MRPL43: variants seen among roughly 807,000 people sequenced by gnomAD.
MRPL43 encodes the protein mitochondrial ribosomal protein L43, also known as large ribosomal subunit protein mL43.
Under a neutral mutation model 12.7 loss-of-function variants are expected in MRPL43, and 9 were observed. The observed-to-expected ratio is 0.71, with a 90% CI of 0.43 to 1.24. The LOEUF (loss-of-function observed/expected upper bound fraction) is 1.24, where lower values mean the gene tolerates loss of function less well. Among genes scored for constraint, MRPL43 ranks in the 50% most tolerant of loss-of-function variants. The pLI is 0.00. For missense variants in MRPL43, 211 were observed against 229.2 expected, an observed-to-expected ratio of 0.92 and a Z score of 0.51; for synonymous variants, 116 against 96.4, an observed-to-expected ratio of 1.20 and a Z score of -1.19.
At chr10:100,979,816 A>G (rs2133882397), downstream of MRPL43, 1 of 1,609,632 alleles carries the variant, frequency 6.2e-7, no homozygotes, top group Non-Finnish European at 8.5e-7. Flanking sequence ...ACTCCATGTA[A>G]CTCACCCCCC....
In MRPL43 at chr10:100,987,470, TA is replaced by T. The variant is rs1564806183; in HGVS notation, c.-28del. The stretch of plus-strand genomic sequence containing the variant: ...GCTACAGCTTGGAGGCCGCGGAGCC[TA>T]AGCAGCGAGGAGAGGGGGGCGGGAC... On this transcript the variant is annotated 5_prime_UTR_variant, in exon 1 of 3. Coordinates refer to ENST00000318364, the MANE Select transcript of MRPL43 (RefSeq NM_032112.3). 3 of 1,608,608 alleles carry T rather than the reference TA, an allele frequency of 1.9e-6. No individual in the cohort carries two copies. Among genetic ancestry groups the T allele is most frequent in the African/African-American group, 1.3e-5 (1 of 74,956 alleles).
chr10:100,987,114 C>A lies in MRPL43; in HGVS notation c.214G>T (p.Val72Leu). 1 of 1,613,790 alleles carries A rather than the reference C, an allele frequency of 6.2e-7. No individual in the cohort carries two copies. The highest frequency in any genetic ancestry group is 8.5e-7 in the Non-Finnish European group (1 of 1,180,036). The change falls in exon 2 of 3, where the codon GTG (valine) becomes TTG (leucine). Residue 72 changes from valine to leucine, a missense_variant. Transcript: ENST00000318364. ...CGGTATTCGGCCACTACTCTGGGCA[C>A]GCAGCACGGACGCGAGTTTACATAT... is the stretch of plus-strand genomic sequence containing the variant. ...VIYVNSRPCCVPRVVAEYLNG... is the reference protein window; with the variant it reads ...VIYVNSRPCCLPRVVAEYLNG...
downstream of MRPL43, chr10:100,986,223 A>G (rs1851456674): frequency 1.9e-6 from 2 of 1,074,378 alleles, no homozygotes; most frequent in Middle Eastern, 3.7e-4. Context: ...AAATAATGAA[A>G]ACTGAGGCTT....
chr10:100,979,790 T>C (rs1242655590), downstream of MRPL43: 30 of 1,595,442 alleles, frequency 1.9e-5, no homozygotes, highest in Admixed American at 8.4e-5. Context: ...TGAGCACGAG[T>C]TGGGGGGCAG....
downstream of MRPL43, among the ~76,000 whole-genome samples, chr10:100,982,464 T>A (rs1851143723): frequency 6.6e-6 from 1 of 152,148 alleles, no homozygotes; most frequent in Non-Finnish European, 1.5e-5. Flanking sequence ...CTAAGATAGA[T>A]GCCAGAAACA....
At chr10:100,985,116 A>G (rs185501392), downstream of MRPL43, 106 of 461,476 alleles carry the variant, frequency 2.3e-4, no homozygotes, top group African/African-American at 1.9e-3. Flanking sequence ...ACTGCACTCA[A>G]TGAGCCAGCC....
downstream of MRPL43, chr10:100,984,907 A>G: frequency 1.4e-6 from 2 of 1,453,614 alleles, no homozygotes; most frequent in African/African-American, 2.8e-5. Context: ...ACAGAGCTCC[A>G]GGCATGTCCC....
At chr10:100,985,260 G>A (rs751801892), downstream of MRPL43, 6 of 198,794 alleles carry the variant, frequency 3.0e-5, no homozygotes, top group African/African-American at 6.9e-5. Context: ...GAGTTTGGAC[G>A]CTTAGCTCCT....
Position 100,987,142 on chromosome 10 carries a change from T to G in MRPL43, c.186A>C (p.Val62=). ...IDFARRNPGV[V]IYVNSRPCCV... is the part of the protein sequence containing the mutation. ...AGCACGGACGCGAGTTTACATATAT[T>G]ACGACCCCTGGATTCCGTCGGGCGA... Residue 62 remains valine, a synonymous_variant, in exon 2 of 3, where the codon GTA becomes GTC. Coordinates refer to ENST00000318364, the MANE Select transcript of MRPL43 (RefSeq NM_032112.3). The G allele has an allele frequency of 6.2e-7, 1 of 1,613,838 alleles. No individual in the cohort carries two copies. Among genetic ancestry groups the G allele is most frequent in the Non-Finnish European group, 8.5e-7 (1 of 1,180,014 alleles).
chr10:100,983,716 T>C, downstream of MRPL43: 1 of 1,613,606 alleles, frequency 6.2e-7, no homozygotes. Context: ...GTGGCCTGTC[T>C]GCGGGAAGGC....
downstream of MRPL43, chr10:100,983,507 C>T (rs2133902664): frequency 6.2e-7 from 1 of 1,614,208 alleles, no homozygotes; most frequent in Admixed American, 1.7e-5. Flanking sequence ...GCAACTATGG[C>T]TGCTATGCCG....
chr10:100,981,797 C>G (rs546722679), downstream of MRPL43, among the ~76,000 whole-genome samples: 1 of 152,274 alleles, frequency 6.6e-6, no homozygotes, highest in African/African-American at 2.4e-5. Flanking sequence ...GTGGCTCACG[C>G]CTGTAATCCC....
downstream of MRPL43, among the ~76,000 whole-genome samples, chr10:100,982,563 G>C (rs530307196): frequency 6.6e-6 from 1 of 152,202 alleles, no homozygotes; most frequent in East Asian, 1.9e-4. Flanking sequence ...AGGCCAAGGC[G>C]AGTGGATCAC....
downstream of MRPL43, chr10:100,983,835 G>A (rs760515196): frequency 5.0e-6 from 8 of 1,598,088 alleles, no homozygotes; most frequent in Non-Finnish European, 5.1e-6. Context: ...GGAAGATGAG[G>A]GTGATGATGA....
At chr10:100,979,140 G>A, downstream of MRPL43, 1 of 1,614,164 alleles carries the variant, frequency 6.2e-7, no homozygotes, top group Non-Finnish European at 8.5e-7. Context: ...AGAAGAAGTG[G>A]ACTTCCTTCC....
At chr10:100,978,493 C>T (rs751535340), downstream of MRPL43, 13 of 1,603,422 alleles carry the variant, frequency 8.1e-6, no homozygotes, top group Non-Finnish European at 9.4e-6. Flanking sequence ...TTGAATATGA[C>T]ATGTCTCTCA....
chr10:100,984,976 C>A, downstream of MRPL43: 1 of 1,372,888 alleles, frequency 7.3e-7, no homozygotes, highest in Non-Finnish European at 9.6e-7. Flanking sequence ...CATTTCCACT[C>A]ACATGCACCT....
At chr10:100,978,010 G>A, downstream of MRPL43, 1 of 570,650 alleles carries the variant, frequency 1.8e-6, no homozygotes. Flanking sequence ...TTGATCCCCT[G>A]GACAGCATGT....
downstream of MRPL43, chr10:100,984,795 C>T (rs1403242646): frequency 1.3e-6 from 2 of 1,535,626 alleles, no homozygotes; most frequent in Non-Finnish European, 1.7e-6. Flanking sequence ...AACGGGCCAG[C>T]CTGGGGAGGT....
Sources: gnomAD v4.1 joint callset for allele counts (sites outside exome capture counted in the v4.1 genomes callset) on GRCh38, gnomAD v4.1.1 for gene constraint, MANE v1.5 for transcripts, NCBI Gene and HGNC (gene_info 2026-07-23, HGNC 2026-07-21) for gene names.